The following SLCO5A1 variants were observed in gnomAD, a reference collection of about 807,000 sequenced individuals.
The protein encoded by SLCO5A1 is solute carrier organic anion transporter family member 5A1.
Under a neutral mutation model 65.1 loss-of-function variants are expected in SLCO5A1, and 39 were observed. The ratio of observed to expected loss-of-function variants is 0.60; its 90% CI spans 0.46 to 0.78. The LOEUF (loss-of-function observed/expected upper bound fraction) is 0.78. SLCO5A1 is among the 30% of genes least tolerant of loss of function. SLCO5A1 has a pLI of 0.00. For synonymous variants in SLCO5A1, 438 were observed against 415.7 expected (o/e 1.05, Z -0.65); for missense variants, 1,029 against 1,069.4 (o/e 0.96, Z 0.53).
intron 2 of SLCO5A1, among the ~76,000 whole-genome samples, chr8:69,816,922 T>C (rs1362948082): frequency 1.3e-5 from 2 of 152,200 alleles, no homozygotes; most frequent in Non-Finnish European, 2.9e-5. Flanking sequence ...AATTTCCATT[T>C]GTATCATAAT....
At chr8:69,808,470 C>T (rs1299729506) in intron 2 of SLCO5A1, among the ~76,000 whole-genome samples, 1 of 152,164 alleles carries the variant, frequency 6.6e-6, no homozygotes, top group African/African-American at 2.4e-5. Context: ...CCTCCAGCTC[C>T]ATCCACGTTC....
chr8:69,675,639 A>T (rs1169478169), intron 9 of SLCO5A1, among the ~76,000 whole-genome samples: 2 of 152,216 alleles, frequency 1.3e-5, no homozygotes, highest in Admixed American at 6.5e-5. Context: ...GAAAATGCTC[A>T]TTCTTGGACT....
chr8:69,736,573 A>T (rs1250454510), intron 5 of SLCO5A1, among the ~76,000 whole-genome samples: 2 of 152,146 alleles, frequency 1.3e-5, no homozygotes, highest in Non-Finnish European at 2.9e-5. Context: ...GTTTATGAAA[A>T]AGATGCCTCT....
chr8:69,820,003 A>G (rs916043469), intron 2 of SLCO5A1, among the ~76,000 whole-genome samples: 3 of 152,216 alleles, frequency 2.0e-5, no homozygotes, highest in Non-Finnish European at 4.4e-5. Context: ...TTTTCTGCGT[A>G]CTAGGGCAAC....
chr8:69,737,711 A>C (rs890069945), intron 5 of SLCO5A1, among the ~76,000 whole-genome samples: 10 of 152,200 alleles, frequency 6.6e-5, no homozygotes, highest in Admixed American at 2.6e-4. Context: ...TAACACTTTA[A>C]AACCCATGCC....
chr8:69,731,956 T>G (rs1248287278), intron 5 of SLCO5A1, among the ~76,000 whole-genome samples: 3 of 152,288 alleles, frequency 2.0e-5, no homozygotes, highest in African/African-American at 7.2e-5. Flanking sequence ...ATCTCAACAT[T>G]AAAGAGAAAA....
At chr8:69,740,265 C>A (rs1021401040) in intron 4 of SLCO5A1, among the ~76,000 whole-genome samples, 1 of 152,156 alleles carries the variant, frequency 6.6e-6, no homozygotes, top group East Asian at 1.9e-4. Flanking sequence ...GGTGGGAGAA[C>A]AGTATACAGG....
At chr8:69,756,231 C>A (rs1817537133) in intron 3 of SLCO5A1, among the ~76,000 whole-genome samples, 1 of 152,112 alleles carries the variant, frequency 6.6e-6, no homozygotes, top group Non-Finnish European at 1.5e-5. Context: ...ATGGTGAAAC[C>A]CTGTCTCTAC....
In SLCO5A1 at chr8:69,671,755, C is replaced by T. The variant is rs948820309; in HGVS notation, c.*1114G>A. Reference sequence around the variant, plus strand: ...TATTTTACATAATTTTCAACAATTACTTAAGATCATATTCTGTTCCAGAAC... The same window carrying T: ...TATTTTACATAATTTTCAACAATTATTTAAGATCATATTCTGTTCCAGAAC... On this transcript the variant is annotated 3_prime_UTR_variant, in exon 10 of 10. Coordinates refer to ENST00000260126, the MANE Select transcript of SLCO5A1 (RefSeq NM_030958.3). 2 of 152,190 alleles carry T rather than the reference C, an allele frequency of 1.3e-5. No homozygotes were observed. The highest frequency in any genetic ancestry group is 2.4e-5 in the African/African-American group (1 of 41,450). 9.4% of individuals were successfully genotyped at this position (152,190 alleles called of 1,614,324 possible).
intron 1 of SLCO5A1, among the ~76,000 whole-genome samples, chr8:69,834,543 C>T (rs548421655): frequency 9.2e-5 from 14 of 152,134 alleles, no homozygotes; most frequent in Non-Finnish European, 1.0e-4. Context: ...CCCCACCAGC[C>T]GCTGCGTGAG....
At chr8:69,824,894 C>T (rs1348627123) in intron 2 of SLCO5A1, among the ~76,000 whole-genome samples, 1 of 152,134 alleles carries the variant, frequency 6.6e-6, no homozygotes. Flanking sequence ...TACTGGCAAA[C>T]TGAATCCAGC....
intron 2 of SLCO5A1, among the ~76,000 whole-genome samples, chr8:69,825,659 G>A (rs1268801961): frequency 2.0e-5 from 3 of 152,122 alleles, no homozygotes; most frequent in Non-Finnish European, 4.4e-5. Flanking sequence ...AACGTTCCAT[G>A]CTCATGGGTA....
intron 4 of SLCO5A1, among the ~76,000 whole-genome samples, chr8:69,747,011 TTA>T (rs1034898732): frequency 2.0e-5 from 3 of 152,138 alleles, no homozygotes; most frequent in Non-Finnish European, 2.9e-5. Context: ...GAGATCATCC[TTA>T]TAGCCCACAG....
At chr8:69,834,533 C>T (rs962363614) in intron 1 of SLCO5A1, among the ~76,000 whole-genome samples, 6 of 152,138 alleles carry the variant, frequency 3.9e-5, no homozygotes, top group Non-Finnish European at 8.8e-5. Context: ...TCCCGGGGAA[C>T]CCCACCAGCC....
chr8:69,821,804 T>TAA (rs1820654483), intron 2 of SLCO5A1, among the ~76,000 whole-genome samples: 1 of 75,226 alleles, frequency 1.3e-5, no homozygotes, highest in African/African-American at 6.8e-5. Context: ...AGACTTTGTC[T>TAA]CAAAAAAAAA....
rs189986714 is a variant in SLCO5A1 at position 69,830,607 on chromosome 8, T to C, written c.907+1160A>G. ...GTATGACAGCCATTGATCCTTCTTA[T>C]GGGTTCAAATCCATCCCTTAGAAGT... On this transcript the variant is annotated intron_variant, in intron 2 of 9. Transcript: ENST00000260126. Among the ~76,000 whole-genome samples, 508 of 152,354 alleles carry C rather than the reference T, an allele frequency of 3.3e-3. 4 individuals carry two copies. Among genetic ancestry groups the C allele is most frequent in the Non-Finnish European group, 5.9e-3 (404 of 68,030 alleles).
chr8:69,673,307 G>A lies in SLCO5A1; in HGVS notation c.2109C>T (p.Ile703=), dbSNP rs200309322. Residue 703 remains isoleucine, a synonymous_variant, in exon 10 of 10, where the codon ATC becomes ATT. Transcript: ENST00000260126. ...TGGTGTCAATGACTGCTCCAAAGTA[G>A]ATTGGAGTAGGAATGTATGCTAGAG... ...LRTLAYIPTP[I]YFGAVIDTTC... is the part of the protein sequence containing the mutation. 11 of 1,613,816 alleles carry A rather than the reference G, an allele frequency of 6.8e-6. No homozygotes were observed. The Admixed American group carries it at 1.3e-4, about 20-fold the overall frequency.
chr8:69,699,945 C>T (rs546005266), intron 6 of SLCO5A1, among the ~76,000 whole-genome samples: 2 of 152,204 alleles, frequency 1.3e-5, no homozygotes, highest in South Asian at 2.1e-4. Flanking sequence ...ATAGAGTGAC[C>T]GCATCTCTAC....
chr8:69,687,804 T>G (rs2130794708), intron 6 of SLCO5A1, among the ~76,000 whole-genome samples: 1 of 151,804 alleles, frequency 6.6e-6, no homozygotes, highest in East Asian at 1.9e-4. Context: ...AACATTACAT[T>G]ATATTGTTAT....
Sources: allele counts gnomAD v4.1 joint callset (sites outside exome capture counted in the v4.1 genomes callset), GRCh38; gene constraint gnomAD v4.1.1; transcripts MANE v1.5; gene names NCBI Gene and HGNC (gene_info 2026-07-23, HGNC 2026-07-21).